The following FBXO8 variants were observed in gnomAD, a reference collection of about 807,000 sequenced individuals.
FBXO8 encodes the protein F-box only protein 8.
Under a neutral mutation model 33.4 loss-of-function variants are expected in FBXO8, and 15 were observed. The ratio of observed to expected loss-of-function variants is 0.45; its 90% CI spans 0.30 to 0.69. FBXO8 has a LOEUF of 0.69. FBXO8 is among the 30% of genes least tolerant of loss of function. The probability of loss-of-function intolerance (pLI) is 0.08; values close to 1 mark genes in which losing one functional copy is unlikely to be tolerated. For missense variants in FBXO8, 274 were observed against 380.3 expected, an observed-to-expected ratio of 0.72 and a Z score of 2.32; for synonymous variants, 132 against 131.5, an observed-to-expected ratio of 1.00 and a Z score of -0.02.
rs1477847989 is a variant in FBXO8 at position 174,277,514 on chromosome 4, A to G, written c.-9+5896T>C. On this transcript the variant is annotated intron_variant, in intron 1 of 5. Transcript: ENST00000393674. The surrounding 1 kb of genome is among the most constrained non-coding windows in gnomAD (Gnocchi z 4.9). ...TTTATATACTATTTGGGCATATAAA[A>G]TCTACACAGGGAAAGATGGCAAGAA... Among the ~76,000 whole-genome samples the G allele has an allele frequency of 6.6e-6, 1 of 152,190 alleles. No homozygotes were observed. Among genetic ancestry groups the G allele is most frequent in the East Asian group, 1.9e-4 (1 of 5,200 alleles).
Position 174,237,934 on chromosome 4 carries a change from T to C in FBXO8, c.773-335A>G, listed in dbSNP as rs1309989196. Among the ~76,000 whole-genome samples, 7 of 152,212 alleles carry C rather than the reference T, an allele frequency of 4.6e-5. No homozygotes were observed. The East Asian group carries it at 5.8e-4, about 13-fold the overall frequency. The stretch of plus-strand genomic sequence containing the variant: ...TAGATTTAAAAAATTTAGAATTGGC[T>C]TTATTTTCGTCTTTGCTTTCAAATG... On this transcript the variant is annotated intron_variant, in intron 5 of 5. Transcript: ENST00000393674. The surrounding 1 kb of genome is among the most constrained non-coding windows in gnomAD (Gnocchi z 4.4).
Position 174,265,336 on chromosome 4 carries a change from CT to C in FBXO8, c.-8-2237del, listed in dbSNP as rs1434217169. On this transcript the variant is annotated intron_variant, in intron 1 of 5. Transcript: ENST00000393674. The surrounding 1 kb of genome is among the most constrained non-coding windows in gnomAD (Gnocchi z 4.7). The stretch of plus-strand genomic sequence containing the variant: ...ATTTAGGTATTTACCTAATTAAAAG[CT>C]TTTTATTTAGGTATTTACCTAATTA... Among the ~76,000 whole-genome samples the C allele has an allele frequency of 8.2e-6, 1 of 122,258 alleles. No homozygotes were observed. Among genetic ancestry groups the C allele is most frequent in the Non-Finnish European group, 1.8e-5 (1 of 54,232 alleles). 80.2% of individuals were successfully genotyped at this position (122,258 alleles called of 152,430 possible).
In FBXO8 at chr4:174,270,859, C is replaced by T. The variant is rs1257154980; in HGVS notation, c.-8-7759G>A. On this transcript the variant is annotated intron_variant, in intron 1 of 5. Coordinates refer to ENST00000393674, the MANE Select transcript of FBXO8 (RefSeq NM_012180.3). This position sits in a 1 kb window ranked among gnomAD's most constrained non-coding sequence, Gnocchi z 4.6. ...TACGAACTCCTCACCTCAGGTGATC[C>T]GCCCGCCTCGGCTTCTCAGGAATAG... 6.6e-6 allele frequency among the ~76,000 whole-genome samples: 1 copy of T among 151,984 alleles called. No homozygotes were observed. Among genetic ancestry groups the T allele is most frequent in the Non-Finnish European group, 1.5e-5 (1 of 67,996 alleles).
intron 1 of FBXO8, among the ~76,000 whole-genome samples, chr4:174,269,503 T>C (rs1481055676): frequency 6.6e-6 from 1 of 151,964 alleles, no homozygotes; most frequent in Admixed American, 6.6e-5. Context: ...CTGTCCAACA[T>C]GGCGAACCTC....
At chr4:174,260,326 G>A (rs529156644) in intron 2 of FBXO8, among the ~76,000 whole-genome samples, 2 of 151,992 alleles carry the variant, frequency 1.3e-5, no homozygotes, top group Non-Finnish European at 2.9e-5. Flanking sequence ...TATTAACCAA[G>A]AATCTAAATA....
chr4:174,248,044 C>A (rs957819119), intron 3 of FBXO8, among the ~76,000 whole-genome samples: 2 of 151,968 alleles, frequency 1.3e-5, no homozygotes, highest in African/African-American at 4.8e-5. Context: ...AAATCAACAC[C>A]TTGCTTTTTG....
chr4:174,277,139 C>T lies in FBXO8; in HGVS notation c.-9+6271G>A, dbSNP rs1296989694. On this transcript the variant is annotated intron_variant, in intron 1 of 5. Transcript: ENST00000393674. The surrounding 1 kb of genome is among the most constrained non-coding windows in gnomAD (Gnocchi z 4.9). ...TATGGATTAACTACAAATAATTACA[C>T]ATTTATTAAAATTTATAAGAACAAT... is the stretch of plus-strand genomic sequence containing the variant. Among the ~76,000 whole-genome samples, 1 of 152,018 alleles carries T rather than the reference C, an allele frequency of 6.6e-6. No homozygotes were observed. The highest frequency in any genetic ancestry group is 2.4e-5 in the African/African-American group (1 of 41,396).
rs770770323 is a variant in FBXO8 at position 174,270,202 on chromosome 4, T to G, written c.-8-7102A>C. The stretch of plus-strand genomic sequence containing the variant: ...GCTATTTTATTAAATTAATCTCATG[T>G]ATAAGAATTTCATATTTTGGTTTAT... On this transcript the variant is annotated intron_variant, in intron 1 of 5. Coordinates refer to ENST00000393674, the MANE Select transcript of FBXO8 (RefSeq NM_012180.3). The surrounding 1 kb of genome is among the most constrained non-coding windows in gnomAD (Gnocchi z 4.6). Among the ~76,000 whole-genome samples, 6 of 152,246 alleles carry G rather than the reference T, an allele frequency of 3.9e-5. No individual in the cohort carries two copies. The highest frequency in any genetic ancestry group is 8.8e-5 in the Non-Finnish European group (6 of 68,038).
chr4:174,249,835 T>C (rs1736246008), intron 3 of FBXO8, among the ~76,000 whole-genome samples: 1 of 151,982 alleles, frequency 6.6e-6, no homozygotes, highest in Non-Finnish European at 1.5e-5. Context: ...TGCAAAAGAT[T>C]GCATATACAT....
Position 174,262,885 on chromosome 4 carries a change from T to C in FBXO8, c.208A>G (p.Asn70Asp), listed in dbSNP as rs1736603702. ...RKSKEQEGFINLEMLPPELSF... is the reference protein window; with the variant it reads ...RKSKEQEGFIDLEMLPPELSF... ...AGCTCAGGAGGCAACATTTCCAAAT[T>C]AATGAATCCTTCCTGTTCTTTCGAT... The change falls in exon 2 of 6, where the codon AAT (asparagine) becomes GAT (aspartate). Residue 70 changes from asparagine (N) to aspartate (D), a missense_variant. Asn to Asp is a conservative substitution (Grantham distance 23). This residue lies in a region of FBXO8 where 88 missense variants were observed against 86.9 expected (regional missense o/e 1.01). Coordinates refer to ENST00000393674, the MANE Select transcript of FBXO8 (RefSeq NM_012180.3). The surrounding 1 kb of genome is among the most constrained non-coding windows in gnomAD (Gnocchi z 4.6). 6.2e-7 allele frequency: 1 copy of C among 1,614,024 alleles called. No homozygotes were observed. Among genetic ancestry groups the C allele is most frequent in the Admixed American group, 1.7e-5 (1 of 59,988 alleles).
At chr4:174,268,420 T>TTTTTGTTTTG (rs567209508) in intron 1 of FBXO8, among the ~76,000 whole-genome samples, 40 of 152,034 alleles carry the variant, frequency 2.6e-4, no homozygotes, top group African/African-American at 8.9e-4. Context: ...TGGGGGCCAT[T>TTTTTGTTTTG]TTTTGTTTTG....
rs757079387 is a variant in FBXO8 at position 174,259,806 on chromosome 4, C to T, written c.349G>A (p.Gly117Ser). The change falls in exon 3 of 6, where the codon GGT (glycine) becomes AGT (serine). Residue 117 changes from glycine (G) to serine (S), a missense_variant. This residue lies in a region of FBXO8 where 186 missense variants were observed against 293.4 expected (regional missense o/e 0.63). Coordinates refer to ENST00000393674, the MANE Select transcript of FBXO8 (RefSeq NM_012180.3). The surrounding 1 kb of genome is among the most constrained non-coding windows in gnomAD (Gnocchi z 4.3). Reference sequence around the variant, plus strand: ...TTCTTATTGTATATGGAACAGTGACCCCAAGTGGATTTGCACAACCTATAA... The same window carrying T: ...TTCTTATTGTATATGGAACAGTGACTCCAAGTGGATTTGCACAACCTATAA... ...LWQGLCKSTW[G>S]HCSIYNKNPP... The T allele has an allele frequency of 6.3e-7, 1 of 1,592,032 alleles. No homozygotes were observed. Among genetic ancestry groups the T allele is most frequent in the Non-Finnish European group, 8.5e-7 (1 of 1,173,912 alleles).
Position 174,236,829 on chromosome 4 carries a change from G to A in FBXO8, c.*583C>T, listed in dbSNP as rs1272932313. On this transcript the variant is annotated 3_prime_UTR_variant, in exon 6 of 6. Coordinates refer to ENST00000393674, the MANE Select transcript of FBXO8 (RefSeq NM_012180.3). ...TATTATAAAAATAACTGCCAGTTTT[G>A]CATAGTAATATAGTAACAAATCAAC... 3 of 151,820 alleles carry A rather than the reference G, an allele frequency of 2.0e-5. No homozygotes were observed. Among genetic ancestry groups the A allele is most frequent in the Non-Finnish European group, 4.4e-5 (3 of 67,956 alleles). The allele number at this position is 151,820 out of a possible 1,614,324, so 9.4% of individuals were successfully genotyped here. A position where few individuals can be genotyped will look rare whatever the true frequency, so the allele number is the denominator to read the frequency against.
intron 1 of FBXO8, among the ~76,000 whole-genome samples, chr4:174,264,580 C>T (rs1444295864): frequency 6.6e-6 from 1 of 151,972 alleles, no homozygotes; most frequent in Non-Finnish European, 1.5e-5. Flanking sequence ...TTAACTCTTC[C>T]CCCACCTTAT....
rs142568262 is a variant in FBXO8 at position 174,265,201 on chromosome 4, T to C, written c.-8-2101A>G. Among the ~76,000 whole-genome samples, 212 of 152,254 alleles carry C rather than the reference T, an allele frequency of 1.4e-3. No individual in the cohort carries two copies. Among genetic ancestry groups the C allele is most frequent in the African/African-American group, 3.6e-3 (149 of 41,574 alleles). On this transcript the variant is annotated intron_variant, in intron 1 of 5. Transcript: ENST00000393674. This position sits in a 1 kb window ranked among gnomAD's most constrained non-coding sequence, Gnocchi z 4.7. ...GTTTCTTTAAAAATTAAACATACTT[T>C]GTATGATTCAGCATTAGCTGAATCA...
Position 174,262,868 on chromosome 4 carries a change from A to G in FBXO8, c.225T>C (p.Pro75=), listed in dbSNP as rs757032130. The change falls in exon 2 of 6, where the codon CCT becomes CCC. Residue 75 remains proline (P), a synonymous_variant. Coordinates refer to ENST00000393674, the MANE Select transcript of FBXO8 (RefSeq NM_012180.3). The surrounding 1 kb of genome is among the most constrained non-coding windows in gnomAD (Gnocchi z 4.6). The part of the protein sequence containing the change: ...QEGFINLEML[P]PELSFTILSY... ...ACAAGATGGTAAAGCTTAGCTCAGG[A>G]GGCAACATTTCCAAATTAATGAATC... 1.2e-6 allele frequency: 2 copies of G among 1,614,034 alleles called. No homozygotes were observed. Among genetic ancestry groups the G allele is most frequent in the South Asian group, 1.1e-5 (1 of 91,078 alleles).
At chr4:174,244,119 T>A (rs960270469) in intron 3 of FBXO8, among the ~76,000 whole-genome samples, 6 of 151,608 alleles carry the variant, frequency 4.0e-5, no homozygotes, top group African/African-American at 1.2e-4. Context: ...AAAAGATGTG[T>A]GTGGTTGTAG....
rs1560875117 is a variant in FBXO8 at position 174,272,050 on chromosome 4, GATT to G, written c.-8-8953_-8-8951del. Among the ~76,000 whole-genome samples the G allele has an allele frequency of 6.6e-6, 1 of 152,140 alleles. No homozygotes were observed. Among genetic ancestry groups the G allele is most frequent in the African/African-American group, 2.4e-5 (1 of 41,422 alleles). On this transcript the variant is annotated intron_variant, in intron 1 of 5. Coordinates refer to ENST00000393674, the MANE Select transcript of FBXO8 (RefSeq NM_012180.3). The surrounding 1 kb of genome is among the most constrained non-coding windows in gnomAD (Gnocchi z 4.7). ...CCTAAGGCAATGTTTCCTAAACTTG[GATT>G]ATGAGTGTTCAGTGAACTAATAGCA... is the stretch of plus-strand genomic sequence containing the variant.
chr4:174,268,785 G>C (rs1052930785), intron 1 of FBXO8, among the ~76,000 whole-genome samples: 3 of 152,190 alleles, frequency 2.0e-5, no homozygotes, highest in Non-Finnish European at 4.4e-5. Flanking sequence ...TGTGGGAAAT[G>C]TGGCATTAAA....
Sources: allele counts gnomAD v4.1 joint callset (sites outside exome capture counted in the v4.1 genomes callset), GRCh38; gene constraint gnomAD v4.1.1; regional missense constraint gnomAD v4.1.1; non-coding constraint Gnocchi (gnomAD v3.1); transcripts MANE v1.5; gene names NCBI Gene and HGNC (gene_info 2026-07-23, HGNC 2026-07-21).